ANKS1B: variants seen among roughly 807,000 people sequenced by gnomAD.
The protein encoded by ANKS1B is ankyrin repeat and sterile alpha motif domain containing 1B, also known as ankyrin repeat and sterile alpha motif domain-containing protein 1B.
A neutral mutation model predicts 148.3 loss-of-function variants in ANKS1B; 36 were observed. The observed-to-expected ratio is 0.24, with a 90% CI of 0.19 to 0.32. ANKS1B has a LOEUF of 0.32. Among genes scored for constraint, ANKS1B ranks in the 10% least tolerant of loss-of-function variants. The pLI is 1.00. For synonymous variants in ANKS1B, 542 were observed against 560.8 expected (o/e 0.97, Z 0.47); for missense variants, 1,157 against 1,542.6 (o/e 0.75, Z 4.19).
intron 10 of ANKS1B, among the ~76,000 whole-genome samples, chr12:99,459,780 C>T (rs570220651): frequency 6.6e-6 from 1 of 152,096 alleles, no homozygotes; most frequent in African/African-American, 2.4e-5. Flanking sequence ...AGAAACACAT[C>T]CCAATCTCAT....
intron 17 of ANKS1B, among the ~76,000 whole-genome samples, chr12:98,981,789 A>G (rs2099911290): frequency 6.6e-6 from 1 of 152,262 alleles, no homozygotes; most frequent in African/African-American, 2.4e-5. Context: ...ATTATCAAAG[A>G]AAACTCCTGA....
At chr12:99,516,714 A>T (rs957858455) in intron 9 of ANKS1B, among the ~76,000 whole-genome samples, 1 of 152,096 alleles carries the variant, frequency 6.6e-6, no homozygotes, top group Non-Finnish European at 1.5e-5. Context: ...ACAAACCTGC[A>T]TGTTCTCCAT....
At chr12:99,241,766 T>C (rs2089381362) in intron 14 of ANKS1B, among the ~76,000 whole-genome samples, 1 of 152,156 alleles carries the variant, frequency 6.6e-6, no homozygotes, top group Non-Finnish European at 1.5e-5. Context: ...ATAAATGTAA[T>C]CCATCACATA....
chr12:99,364,269 A>G (rs886231982), intron 12 of ANKS1B, among the ~76,000 whole-genome samples: 2 of 135,890 alleles, frequency 1.5e-5, no homozygotes, highest in African/African-American at 6.1e-5. Flanking sequence ...GACAAGCAGT[A>G]TATATATATT....
At chr12:99,525,300 G>A (rs576943031) in intron 9 of ANKS1B, among the ~76,000 whole-genome samples, 20 of 152,226 alleles carry the variant, frequency 1.3e-4, no homozygotes, top group African/African-American at 4.3e-4. Flanking sequence ...ATTCTTTCTC[G>A]TTTTTAAATG....
intron 15 of ANKS1B, chr12:99,097,463 C>T (rs1213790560): frequency 6.6e-6 from 1 of 151,918 alleles, no homozygotes; most frequent in Non-Finnish European, 1.5e-5. Flanking sequence ...GAGAACATAC[C>T]ATGAAAATAA....
Position 98,748,273 on chromosome 12 carries a change from G to A in ANKS1B, c.3748-2424C>T, listed in dbSNP as rs112916928. Among the ~76,000 whole-genome samples the A allele has an allele frequency of 2.1e-3, 324 of 152,216 alleles. 2 individuals carry two copies. Among genetic ancestry groups the A allele is most frequent in the African/African-American group, 7.3e-3 (302 of 41,536 alleles). On this transcript the variant is annotated intron_variant, in intron 26 of 26. Transcript: ENST00000683438. Reference sequence around the variant, plus strand: ...GGGGTCAGTTTGCAGGGTGGGGAGCGGGAAGGCAGACAGCTAAGGGTGAGG... The same window carrying A: ...GGGGTCAGTTTGCAGGGTGGGGAGCAGGAAGGCAGACAGCTAAGGGTGAGG...
Position 99,055,947 on chromosome 12 carries a change from T to A in ANKS1B, c.2626-2638A>T, listed in dbSNP as rs561584331. Among the ~76,000 whole-genome samples the A allele has an allele frequency of 1.6e-4, 24 of 152,246 alleles. No homozygotes were observed. In the East Asian group the frequency reaches 4.4e-3, roughly 28 times the overall value. ...ATTGCACGGAATGCAGGCTGTTCAG[T>A]GGTCTGATTACTCCTGTAAGGCAAG... is the stretch of plus-strand genomic sequence containing the variant. On this transcript the variant is annotated intron_variant, in intron 16 of 26. Coordinates refer to ENST00000683438, the MANE Select transcript of ANKS1B (RefSeq NM_001352186.2).
intron 16 of ANKS1B, among the ~76,000 whole-genome samples, chr12:99,080,941 T>C (rs2049507972): frequency 6.6e-6 from 1 of 152,150 alleles, no homozygotes; most frequent in Admixed American, 6.5e-5. Flanking sequence ...GGAAAGCTTT[T>C]AGAGCTGAGA....
intron 14 of ANKS1B, among the ~76,000 whole-genome samples, chr12:99,203,468 T>G (rs76377081): frequency 6.6e-6 from 1 of 151,516 alleles, no homozygotes; most frequent in East Asian, 1.9e-4. Context: ...TTTTTTTTTT[T>G]GAGACGGAGT....
chr12:99,425,460 G>A (rs986048030), intron 11 of ANKS1B, among the ~76,000 whole-genome samples: 15 of 151,916 alleles, frequency 9.9e-5, no homozygotes, highest in African/African-American at 3.1e-4. Flanking sequence ...AGTACTAGAC[G>A]AAAAGTAGTA....
intron 9 of ANKS1B, among the ~76,000 whole-genome samples, chr12:99,591,851 C>T (rs770788082): frequency 2.0e-5 from 3 of 152,142 alleles, no homozygotes; most frequent in Non-Finnish European, 4.4e-5. Context: ...TGCCCCTCTA[C>T]ATAAATGGAT....
chr12:99,381,771 A>G (rs2093652831), intron 12 of ANKS1B, among the ~76,000 whole-genome samples: 1 of 152,218 alleles, frequency 6.6e-6, no homozygotes, highest in Non-Finnish European at 1.5e-5. Context: ...TGCAACTAGA[A>G]GCAAAGAATG....
intron 11 of ANKS1B, among the ~76,000 whole-genome samples, chr12:99,422,724 G>A (rs963732117): frequency 5.3e-5 from 8 of 152,222 alleles, no homozygotes; most frequent in South Asian, 2.1e-4. Flanking sequence ...TTGTGAAATC[G>A]AATAAAATTT....
chr12:99,522,538 T>C (rs1026518954), intron 9 of ANKS1B, among the ~76,000 whole-genome samples: 9 of 152,220 alleles, frequency 5.9e-5, no homozygotes, highest in African/African-American at 1.9e-4. Flanking sequence ...CACTGTGTTT[T>C]CTATAACATT....
intron 9 of ANKS1B, among the ~76,000 whole-genome samples, chr12:99,551,960 T>C (rs559097387): frequency 1.3e-5 from 2 of 152,190 alleles, no homozygotes; most frequent in East Asian, 1.9e-4. Flanking sequence ...CACACACACA[T>C]CTGAAACACT....
chr12:99,858,679 C>T (rs745776932), intron 1 of ANKS1B, among the ~76,000 whole-genome samples: 3 of 152,050 alleles, frequency 2.0e-5, no homozygotes, highest in African/African-American at 4.8e-5. Flanking sequence ...ATATATACCA[C>T]GGAATACTAC....
intron 4 of ANKS1B, among the ~76,000 whole-genome samples, chr12:99,804,947 C>T (rs879669995): frequency 6.6e-6 from 1 of 152,094 alleles, no homozygotes; most frequent in Non-Finnish European, 1.5e-5. Flanking sequence ...TCACCTATCA[C>T]CCTAGACAAC....
intron 12 of ANKS1B, among the ~76,000 whole-genome samples, chr12:99,320,996 C>A (rs536168324): frequency 5.9e-5 from 9 of 152,198 alleles, no homozygotes; most frequent in African/African-American, 2.2e-4. Flanking sequence ...CCTGAGTATC[C>A]CCAGCGGAGG....
Sources: allele counts gnomAD v4.1 joint callset (sites outside exome capture counted in the v4.1 genomes callset), GRCh38; gene constraint gnomAD v4.1.1; transcripts MANE v1.5; gene names NCBI Gene and HGNC (gene_info 2026-07-23, HGNC 2026-07-21).